PLA2G4A: variants seen among roughly 807,000 people sequenced by gnomAD.
The protein encoded by PLA2G4A is phospholipase A2 group IVA.
Under a neutral mutation model 81.9 loss-of-function variants are expected in PLA2G4A, and 40 were observed. The ratio of observed to expected loss-of-function variants is 0.49; its 90% CI spans 0.38 to 0.64. The LOEUF (loss-of-function observed/expected upper bound fraction) is 0.64, where lower values mean the gene tolerates loss of function less well. PLA2G4A is among the 30% of genes least tolerant of loss of function. PLA2G4A has a pLI of 0.00. For synonymous variants in PLA2G4A, 302 were observed against 296.9 expected (o/e 1.02, Z -0.18); for missense variants, 715 against 905.1 (o/e 0.79, Z 2.69).
At chr1:186,961,559 T>C (rs1656947235) in intron 14 of PLA2G4A, among the ~76,000 whole-genome samples, 1 of 152,142 alleles carries the variant, frequency 6.6e-6, no homozygotes. Context: ...GTGGAAACAA[T>C]GGTGTTTAGC....
chr1:186,860,599 A>G (rs943107282), intron 2 of PLA2G4A, among the ~76,000 whole-genome samples: 30 of 152,216 alleles, frequency 2.0e-4, no homozygotes, highest in African/African-American at 7.2e-4. Context: ...AGGCACACCT[A>G]AAAACAATGT....
chr1:186,945,246 T>A (rs941840645), intron 10 of PLA2G4A, among the ~76,000 whole-genome samples: 2 of 152,136 alleles, frequency 1.3e-5, no homozygotes, highest in African/African-American at 4.8e-5. Context: ...AGCAAGAAGA[T>A]CTGTGCCGTG....
intron 2 of PLA2G4A, among the ~76,000 whole-genome samples, chr1:186,870,016 T>C (rs1187564314): frequency 1.3e-5 from 2 of 152,232 alleles, no homozygotes; most frequent in Admixed American, 1.3e-4. Context: ...GGAAATGTCA[T>C]GCAGAAAAGA....
intron 1 of PLA2G4A, 145 bp from the exon 2 acceptor site, chr1:186,854,141 A>C (rs991983912): frequency 8.1e-6 from 4 of 494,952 alleles, no homozygotes; most frequent in African/African-American, 7.8e-5. Flanking sequence ...GTGATGTGTG[A>C]TAACCCATTC....
At chr1:186,850,019 T>C (rs1337790015) in intron 1 of PLA2G4A, among the ~76,000 whole-genome samples, 2 of 152,106 alleles carry the variant, frequency 1.3e-5, no homozygotes, top group Admixed American at 6.6e-5. Context: ...AGTAGTGGTA[T>C]GGGGCTGAGG....
chr1:186,947,095 A>G (rs1400413435), intron 12 of PLA2G4A, 134 bp downstream of exon 12: 3 of 627,056 alleles, frequency 4.8e-6, no homozygotes, highest in Non-Finnish European at 8.5e-6. Context: ...GGTTGAATCA[A>G]TCTAAATATT....
Position 186,946,947 on chromosome 1 carries a change from T to A in PLA2G4A, c.1250T>A (p.Met417Lys). 6.3e-7 allele frequency: 1 copy of A among 1,596,780 alleles called. No homozygotes were observed. Among genetic ancestry groups the A allele is most frequent in the Non-Finnish European group, 8.6e-7 (1 of 1,164,344 alleles). The change falls in exon 12 of 18, where the codon ATG becomes AAG. Residue 417 changes from methionine to lysine, a missense_variant. Met to Lys is a moderately conservative substitution (Grantham distance 95). Transcript: ENST00000367466. ...VSGSQSRGSTMEEELENITTK... is the reference protein window; with the variant it reads ...VSGSQSRGSTKEEELENITTK... ...GGTTCACAAAGCAGAGGCTCCACAA[T>A]GGAGGAAGAATTAGGTATCCTAAAG...
At position 186,923,454 on chromosome 1, in the gene PLA2G4A, T is replaced by G. The variant is rs943389584; in HGVS notation, c.559-9309T>G. Among the ~76,000 whole-genome samples the G allele has an allele frequency of 3.3e-5, 5 of 152,246 alleles. No homozygotes were observed. The East Asian group carries it at 9.6e-4, about 29-fold the overall frequency. ...TCTTTTCATTTCTAACATTTGTAAT[T>G]TATTGAGATACTGTGCTAGGCACTA... On this transcript the variant is annotated intron_variant, in intron 7 of 17. Coordinates refer to ENST00000367466, the MANE Select transcript of PLA2G4A (RefSeq NM_024420.3).
chr1:186,837,745 A>AG, intron 1 of PLA2G4A, among the ~76,000 whole-genome samples: 1 of 148,202 alleles, frequency 6.7e-6, no homozygotes, highest in Non-Finnish European at 1.5e-5. Context: ...TCAAAAAAAA[A>AG]AAAAAAAGAA....
chr1:186,862,473 A>C (rs1377388679), intron 2 of PLA2G4A, among the ~76,000 whole-genome samples: 1 of 152,070 alleles, frequency 6.6e-6, no homozygotes, highest in Admixed American at 6.6e-5. Context: ...CAGTTTCCCA[A>C]AGTGCTGGGA....
intron 12 of PLA2G4A, among the ~76,000 whole-genome samples, chr1:186,947,620 A>C (rs1279478795): frequency 6.6e-6 from 1 of 152,164 alleles, no homozygotes; most frequent in Non-Finnish European, 1.5e-5. Flanking sequence ...TAAAGCAAAC[A>C]AAAAATTTAT....
At chr1:186,893,221 T>G in intron 4 of PLA2G4A, 62 bp downstream of exon 4, 1 of 1,425,552 alleles carries the variant, frequency 7.0e-7, no homozygotes, top group Non-Finnish European at 9.9e-7. Flanking sequence ...CATGCTTGAG[T>G]TTGTCCTTTT....
chr1:186,859,521 A>C (rs1571341393), intron 2 of PLA2G4A, among the ~76,000 whole-genome samples: 1 of 152,240 alleles, frequency 6.6e-6, no homozygotes, highest in Middle Eastern at 3.4e-3. Context: ...GCCACCTATT[A>C]ACAATGGAGG....
At chr1:186,857,082 C>CATATAATATTA (rs1652583866) in intron 2 of PLA2G4A, among the ~76,000 whole-genome samples, 1 of 1,808 alleles carries the variant, frequency 5.5e-4, no homozygotes, top group African/African-American at 3.2e-3. Flanking sequence ...ATATATTATA[C>CATATAATATTA]ATATATAATA....
chr1:186,863,734 C>T lies in PLA2G4A; in HGVS notation c.34-6701C>T, dbSNP rs1037110629. 6.6e-5 allele frequency among the ~76,000 whole-genome samples: 10 copies of T among 150,718 alleles called. 1 individual carries two copies. In the East Asian group the frequency reaches 1.2e-3, roughly 18 times the overall value. On this transcript the variant is annotated intron_variant, in intron 2 of 17. Transcript: ENST00000367466. ...ATTCCACATATGGGTAGATGTTGTG[C>T]TATTTGTTTTTCTGTGCAAATATAT...
chr1:186,940,945 C>T (rs1297453626), intron 10 of PLA2G4A, among the ~76,000 whole-genome samples: 1 of 151,864 alleles, frequency 6.6e-6, no homozygotes, highest in Non-Finnish European at 1.5e-5. Context: ...CAGGAGTGAA[C>T]ACTTGTTTCT....
rs12720545 is a variant in PLA2G4A at position 186,906,358 on chromosome 1, G to A, written c.379-607G>A. Among the ~76,000 whole-genome samples, 89 of 152,308 alleles carry A rather than the reference G, an allele frequency of 5.8e-4. 1 individual carries two copies. The highest frequency in any genetic ancestry group is 4.8e-3 in the South Asian group (23 of 4,828). ...CTGGCAGGATGTCCTCCTTCAATATGTTTGATAGGCTCAAATAGTGTTGAA... is the reference window on the plus strand; with the variant it reads ...CTGGCAGGATGTCCTCCTTCAATATATTTGATAGGCTCAAATAGTGTTGAA... On this transcript the variant is annotated intron_variant, in intron 5 of 17. Transcript: ENST00000367466.
At chr1:186,914,973 C>T (rs990665115) in intron 7 of PLA2G4A, among the ~76,000 whole-genome samples, 3 of 152,040 alleles carry the variant, frequency 2.0e-5, no homozygotes, top group East Asian at 1.9e-4. Context: ...ACTAAAGTAG[C>T]GATGAAGCTT....
intron 2 of PLA2G4A, among the ~76,000 whole-genome samples, chr1:186,858,869 C>T (rs1652690800): frequency 6.6e-6 from 1 of 151,592 alleles, no homozygotes; most frequent in African/African-American, 2.4e-5. Context: ...CTTTATTCTT[C>T]TTATTCTCGC....
Sources: allele counts gnomAD v4.1 joint callset (sites outside exome capture counted in the v4.1 genomes callset), GRCh38; gene constraint gnomAD v4.1.1; transcripts MANE v1.5; gene names NCBI Gene and HGNC (gene_info 2026-07-23, HGNC 2026-07-21).